Variants in SYT1 observed in about 807,000 individuals in gnomAD.
SYT1 encodes the protein synaptotagmin-1.
SYT1 carries 8 observed loss-of-function variants against 44.8 expected under a neutral mutation model. The observed-to-expected ratio is 0.18, with a 90% CI of 0.10 to 0.32. The LOEUF (loss-of-function observed/expected upper bound fraction) is 0.32. Among genes scored for constraint, SYT1 ranks in the 10% least tolerant of loss-of-function variants. SYT1 has a pLI of 1.00. For synonymous variants in SYT1, 154 were observed against 188.8 expected, an observed-to-expected ratio of 0.82 and a Z score of 1.51; for missense variants, 286 against 509.3, an observed-to-expected ratio of 0.56 and a Z score of 4.22.
intron 1 of SYT1, among the ~76,000 whole-genome samples, chr12:78,885,053 G>A (rs1874657148): frequency 6.6e-6 from 1 of 151,904 alleles, no homozygotes; most frequent in African/African-American, 2.4e-5. Context: ...TTAGGTCATA[G>A]CTGTTAAATG....
At chr12:78,891,859 T>C (rs1875075962) in intron 1 of SYT1, among the ~76,000 whole-genome samples, 1 of 151,844 alleles carries the variant, frequency 6.6e-6, no homozygotes, top group African/African-American at 2.4e-5. Flanking sequence ...CTGAGATGCA[T>C]GTCATCTCAT....
chr12:78,948,157 T>G (rs912401603), intron 1 of SYT1, among the ~76,000 whole-genome samples: 1 of 151,746 alleles, frequency 6.6e-6, no homozygotes, highest in African/African-American at 2.4e-5. Context: ...TCAATATTAC[T>G]ATAACTCAGT....
At chr12:79,441,394 C>A (rs1225665354) in intron 9 of SYT1, among the ~76,000 whole-genome samples, 1 of 152,096 alleles carries the variant, frequency 6.6e-6, no homozygotes, top group Admixed American at 6.6e-5. Context: ...TGGCTCACTG[C>A]AACCTCCGTC....
chr12:79,331,609 T>G (rs556170810), intron 8 of SYT1, among the ~76,000 whole-genome samples: 1 of 152,188 alleles, frequency 6.6e-6, no homozygotes, highest in Non-Finnish European at 1.5e-5. Context: ...TTTGTCCCTT[T>G]GCAGCATTTT....
At chr12:78,946,525 C>T (rs1001151549) in intron 1 of SYT1, among the ~76,000 whole-genome samples, 6 of 151,814 alleles carry the variant, frequency 4.0e-5, no homozygotes, top group Non-Finnish European at 8.8e-5. Flanking sequence ...TGTGGTGGCA[C>T]ACACCTGCAA....
At chr12:79,117,670 TA>T (rs1879356086) in intron 3 of SYT1, among the ~76,000 whole-genome samples, 1 of 37,486 alleles carries the variant, frequency 2.7e-5, no homozygotes, top group Non-Finnish European at 5.1e-5. Flanking sequence ...ATCATATATA[TA>T]TATATATATA....
chr12:79,232,172 C>T (rs80241140), intron 4 of SYT1, among the ~76,000 whole-genome samples: 1,735 of 152,254 alleles, frequency 0.011, 26 homozygotes, highest in East Asian at 0.049. Flanking sequence ...ATATAATGGT[C>T]ACATTCAAAT....
chr12:79,420,855 T>G (rs1869065911), intron 9 of SYT1, among the ~76,000 whole-genome samples: 1 of 152,148 alleles, frequency 6.6e-6, no homozygotes, highest in African/African-American at 2.4e-5. Flanking sequence ...CTCCTTTGCC[T>G]TCTCAGTTAC....
chr12:79,302,006 A>G (rs766324343), intron 8 of SYT1, among the ~76,000 whole-genome samples: 2 of 152,182 alleles, frequency 1.3e-5, no homozygotes, highest in Non-Finnish European at 2.9e-5. Flanking sequence ...TTATATCTGA[A>G]GAATTACATA....
At position 79,136,106 on chromosome 12, in the gene SYT1, T is replaced by A. The variant is rs992357766; in HGVS notation, c.-17-81397T>A. Among the ~76,000 whole-genome samples the A allele has an allele frequency of 9.2e-5, 14 of 152,354 alleles. No homozygotes were observed. In the East Asian group the frequency reaches 2.7e-3, roughly 29 times the overall value. On this transcript the variant is annotated intron_variant, in intron 3 of 10. Transcript: ENST00000261205. ...AAGATGTCTATGTTAGAATAAATCGTGGATTTTTAGATTTAACATTTAGAT... is the reference window on the plus strand; with the variant it reads ...AAGATGTCTATGTTAGAATAAATCGAGGATTTTTAGATTTAACATTTAGAT...
At chr12:79,076,438 A>C (rs1876655724) in intron 3 of SYT1, among the ~76,000 whole-genome samples, 1 of 152,154 alleles carries the variant, frequency 6.6e-6, no homozygotes, top group South Asian at 2.1e-4. Context: ...TCTAAAAAGA[A>C]ATAATATACT....
At chr12:79,363,443 G>A (rs1883400125) in intron 9 of SYT1, among the ~76,000 whole-genome samples, 1 of 151,936 alleles carries the variant, frequency 6.6e-6, no homozygotes. Context: ...CAACTGTACT[G>A]GCCAGGTGCA....
chr12:79,084,796 G>A (rs1052924623), intron 3 of SYT1, among the ~76,000 whole-genome samples: 1 of 151,992 alleles, frequency 6.6e-6, no homozygotes, highest in Admixed American at 6.6e-5. Context: ...TTTTTGATGT[G>A]TATTATAGAA....
chr12:78,918,258 G>C (rs1444261556), intron 1 of SYT1, among the ~76,000 whole-genome samples: 1 of 152,024 alleles, frequency 6.6e-6, no homozygotes, highest in Admixed American at 6.6e-5. Flanking sequence ...GATTCCTCCA[G>C]GGAAGAGGCC....
intron 1 of SYT1, among the ~76,000 whole-genome samples, chr12:78,967,124 C>T (rs141780509): frequency 6.6e-6 from 1 of 152,176 alleles, no homozygotes; most frequent in East Asian, 1.9e-4. Flanking sequence ...CTCAATTTAA[C>T]AAATATTTAT....
At chr12:79,245,473 C>CAAA (rs1273397377) in intron 4 of SYT1, among the ~76,000 whole-genome samples, 608 of 42,828 alleles carry the variant, frequency 0.014, 1 homozygote, top group African/African-American at 0.017. Context: ...ACTCCGTCAA[C>CAAA]AAAAAAAAAA....
chr12:79,355,935 G>C (rs1883094206), intron 9 of SYT1, among the ~76,000 whole-genome samples: 1 of 152,020 alleles, frequency 6.6e-6, no homozygotes, highest in South Asian at 2.1e-4. Context: ...CAGAAAAGAA[G>C]CCAACAGATA....
chr12:79,298,492 T>A (rs1474775099), intron 7 of SYT1, among the ~76,000 whole-genome samples: 3 of 152,146 alleles, frequency 2.0e-5, no homozygotes, highest in Non-Finnish European at 4.4e-5. Context: ...GACAACCATT[T>A]ACACTGATAA....
chr12:79,224,365 T>C (rs571642200), intron 4 of SYT1, among the ~76,000 whole-genome samples: 1 of 151,942 alleles, frequency 6.6e-6, no homozygotes, highest in East Asian at 1.9e-4. Flanking sequence ...TAAGGAAAAA[T>C]ATAATAGTGT....
Sources: gnomAD v4.1 joint callset for allele counts (sites outside exome capture counted in the v4.1 genomes callset) on GRCh38, gnomAD v4.1.1 for gene constraint, MANE v1.5 for transcripts, NCBI Gene and HGNC (gene_info 2026-07-23, HGNC 2026-07-21) for gene names.